ARPP21: variants seen among roughly 807,000 people sequenced by gnomAD.
ARPP21 encodes cAMP regulated phosphoprotein 21.
A neutral mutation model predicts 113.2 loss-of-function variants in ARPP21; 69 were observed. That is an observed-to-expected ratio of 0.61 (90% CI 0.50 to 0.74). The LOEUF (loss-of-function observed/expected upper bound fraction) is 0.74. Among genes scored for constraint, ARPP21 ranks in the 30% least tolerant of loss-of-function variants. ARPP21 has a pLI of 0.00. For missense variants in ARPP21, 1,070 were observed against 1,037.4 expected, an observed-to-expected ratio of 1.03 and a Z score of -0.43; for synonymous variants, 368 against 375.5, an observed-to-expected ratio of 0.98 and a Z score of 0.23.
chr3:35,640,126 A>AGCC lies in ARPP21; in HGVS notation c.-476_-474dup, dbSNP rs913568047. ...GCAGCGGGGACACAAGCCGCGACCG[A>AGCC]GCCGCCGCCGCAGCCCTGGCTGCCA... is the stretch of plus-strand genomic sequence containing the variant. On this transcript the variant is annotated 5_prime_UTR_variant, in exon 1 of 21. Coordinates refer to ENST00000684406, the MANE Select transcript of ARPP21 (RefSeq NM_001385562.1). 3 of 152,406 alleles carry AGCC rather than the reference A, an allele frequency of 2.0e-5. No individual in the cohort carries two copies. The highest frequency in any genetic ancestry group is 2.0e-4 in the Admixed American group (3 of 15,304). The allele number at this position is 152,406 out of a possible 1,614,324, so 9.4% of individuals were successfully genotyped here. A position where few individuals can be genotyped will look rare whatever the true frequency, so the allele number is the denominator to read the frequency against.
At chr3:35,748,280 AAAG>A (rs1230923235) in intron 19 of ARPP21, among the ~76,000 whole-genome samples, 1 of 147,466 alleles carries the variant, frequency 6.8e-6, no homozygotes, top group Non-Finnish European at 1.5e-5. Flanking sequence ...GAAAGAAAGA[AAAG>A]GAGGAAGGAA....
chr3:35,705,891 C>T (rs1346345585), intron 9 of ARPP21, among the ~76,000 whole-genome samples: 3 of 152,164 alleles, frequency 2.0e-5, no homozygotes, highest in African/African-American at 7.2e-5. Context: ...AAATGCTTCT[C>T]ATCAAGATTT....
At chr3:35,740,255 G>T (rs1188347712) in intron 18 of ARPP21, among the ~76,000 whole-genome samples, 1 of 152,108 alleles carries the variant, frequency 6.6e-6, no homozygotes, top group Non-Finnish European at 1.5e-5. Context: ...ACTCTCTTGG[G>T]TATCCCTTGC....
intron 1 of ARPP21, among the ~76,000 whole-genome samples, chr3:35,656,820 T>C (rs1705182256): frequency 6.6e-6 from 1 of 152,030 alleles, no homozygotes; most frequent in Non-Finnish European, 1.5e-5. Context: ...ATAATAGTTT[T>C]AAAATTAAAA....
chr3:35,757,233 A>T (rs144350667), intron 19 of ARPP21, among the ~76,000 whole-genome samples: 5 of 151,800 alleles, frequency 3.3e-5, no homozygotes, highest in Admixed American at 6.6e-5. Flanking sequence ...TAATTAAAAA[A>T]AAAAAAAATT....
chr3:35,753,964 G>A (rs1044000705), intron 19 of ARPP21, among the ~76,000 whole-genome samples: 9 of 130,210 alleles, frequency 6.9e-5, no homozygotes, highest in Admixed American at 5.2e-4. Context: ...TAATTGAGAA[G>A]GTTTTTTTTT....
intron 19 of ARPP21, among the ~76,000 whole-genome samples, chr3:35,749,023 A>G (rs528081336): frequency 6.6e-6 from 1 of 152,228 alleles, no homozygotes; most frequent in Admixed American, 6.5e-5. Flanking sequence ...TATTGGAACA[A>G]CTTAAACATG....
chr3:35,639,355 G>A (rs1164275874), upstream of ARPP21, among the ~76,000 whole-genome samples: 6 of 152,108 alleles, frequency 3.9e-5, no homozygotes, highest in Non-Finnish European at 8.8e-5. The surrounding 1 kb of genome is among the most constrained non-coding windows in gnomAD (Gnocchi z 5.0). Context: ...GGGTGTGGCG[G>A]GTCTGGGGCC....
At chr3:35,699,093 T>A (rs2085233508) in intron 9 of ARPP21, among the ~76,000 whole-genome samples, 1 of 151,758 alleles carries the variant, frequency 6.6e-6, no homozygotes, top group Non-Finnish European at 1.5e-5. Flanking sequence ...ACTGTGTGTG[T>A]GTGTATGTGT....
chr3:35,672,415 G>A (rs1026541750), intron 1 of ARPP21, among the ~76,000 whole-genome samples: 3 of 152,044 alleles, frequency 2.0e-5, no homozygotes, highest in Non-Finnish European at 4.4e-5. Flanking sequence ...GTGGCTGTTG[G>A]TTTAGTTTAA....
intron 18 of ARPP21, among the ~76,000 whole-genome samples, chr3:35,740,070 T>C (rs184135775): frequency 6.6e-6 from 1 of 152,340 alleles, no homozygotes; most frequent in East Asian, 1.9e-4. Context: ...GAAGGTAAGC[T>C]GATATCCACA....
intron 15 of ARPP21, among the ~76,000 whole-genome samples, chr3:35,732,663 C>T (rs1295733374): frequency 1.3e-5 from 2 of 152,172 alleles, no homozygotes; most frequent in African/African-American, 4.8e-5. Flanking sequence ...CCCTCAAAAA[C>T]TTGTTAATGT....
chr3:35,755,043 T>C (rs1220089407), intron 19 of ARPP21, among the ~76,000 whole-genome samples: 1 of 152,026 alleles, frequency 6.6e-6, no homozygotes, highest in Non-Finnish European at 1.5e-5. Flanking sequence ...TTTGCAGTTT[T>C]TCTAGGAGAC....
intron 8 of ARPP21, among the ~76,000 whole-genome samples, chr3:35,690,657 G>A (rs1418274715): frequency 1.3e-5 from 2 of 151,536 alleles, no homozygotes; most frequent in African/African-American, 4.8e-5. Context: ...GTGCAACTAT[G>A]AAACAAAGAT....
intron 19 of ARPP21, among the ~76,000 whole-genome samples, chr3:35,758,933 A>AT (rs1202695228): frequency 2.6e-5 from 4 of 151,954 alleles, no homozygotes; most frequent in Admixed American, 1.3e-4. Context: ...AGATAAGTGG[A>AT]TTTTAAGTAA....
chr3:35,773,174 C>A (rs554284852), intron 19 of ARPP21, among the ~76,000 whole-genome samples: 4 of 152,086 alleles, frequency 2.6e-5, no homozygotes, highest in Non-Finnish European at 4.4e-5. Context: ...GTGGCGTACT[C>A]TTAGCAGGAA....
At chr3:35,775,731 G>A (rs928112543) in intron 19 of ARPP21, among the ~76,000 whole-genome samples, 17 of 151,974 alleles carry the variant, frequency 1.1e-4, no homozygotes, top group Non-Finnish European at 2.5e-4. Flanking sequence ...TTAAAAATAA[G>A]CAAATAAATT....
rs868511047 is a variant in ARPP21 at position 35,729,528 on chromosome 3, C to T, written c.1451C>T (p.Pro484Leu). 6.2e-7 allele frequency: 1 copy of T among 1,613,584 alleles called. No homozygotes were observed. Among genetic ancestry groups the T allele is most frequent in the Non-Finnish European group, 8.5e-7 (1 of 1,179,492 alleles). The part of the protein sequence containing the change: ...GIPPGSILLN[P>L]HTGQPFVNPD... ...CCGCCTGGAAGCATCCTTCTTAATC[C>T]ACACACAGGTGAGTTACTACCTGCT... Residue 484 changes from proline to leucine, a missense_variant, in exon 15 of 21, where the codon CCA becomes CTA. Transcript: ENST00000684406.
At chr3:35,726,083 A>G (rs971137107) in intron 14 of ARPP21, among the ~76,000 whole-genome samples, 2 of 152,342 alleles carry the variant, frequency 1.3e-5, no homozygotes, top group East Asian at 3.9e-4. Context: ...AGGCTGCTGT[A>G]AAAGTTAGAT....
Sources: gnomAD v4.1 joint callset for allele counts (sites outside exome capture counted in the v4.1 genomes callset) on GRCh38, gnomAD v4.1.1 for gene constraint, Gnocchi (gnomAD v3.1) non-coding constraint, MANE v1.5 for transcripts, NCBI Gene and HGNC (gene_info 2026-07-23, HGNC 2026-07-21) for gene names.